Variants in CDK6 observed in about 807,000 individuals in gnomAD.
CDK6 encodes the protein cyclin dependent kinase 6.
In CDK6, 6 loss-of-function variants were observed where a neutral mutation model predicts 37.1. The observed-to-expected ratio is 0.16, with a 90% CI of 0.09 to 0.32. The LOEUF is 0.32. Among genes scored for constraint, CDK6 ranks in the 10% least tolerant of loss-of-function variants. CDK6 has a pLI of 1.00. For synonymous variants in CDK6, 160 were observed against 161.3 expected (o/e 0.99, Z 0.06); for missense variants, 224 against 418.9 (o/e 0.53, Z 4.06).
At chr7:92,685,288 GGA>G (rs1474385086) in intron 4 of CDK6, among the ~76,000 whole-genome samples, 1 of 152,154 alleles carries the variant, frequency 6.6e-6, no homozygotes, top group Admixed American at 6.5e-5. Context: ...TCCGCTGTCA[GGA>G]GAGATACATG....
chr7:92,829,924 G>T (rs1000638067), intron 2 of CDK6, among the ~76,000 whole-genome samples: 1 of 152,204 alleles, frequency 6.6e-6, no homozygotes, highest in Non-Finnish European at 1.5e-5. Context: ...ACTTTTCCAG[G>T]CTTGTTCATT....
chr7:92,812,177 T>C (rs926912949), intron 2 of CDK6, among the ~76,000 whole-genome samples: 2 of 151,998 alleles, frequency 1.3e-5, no homozygotes, highest in Non-Finnish European at 2.9e-5. Context: ...ACTTAAAAGG[T>C]ACCTAACTTC....
At chr7:92,622,181 C>G (rs1795818434) in intron 6 of CDK6, among the ~76,000 whole-genome samples, 1 of 152,028 alleles carries the variant, frequency 6.6e-6, no homozygotes, top group African/African-American at 2.4e-5. Flanking sequence ...AAAAAGGATG[C>G]CACACTGCAT....
intron 3 of CDK6, among the ~76,000 whole-genome samples, chr7:92,744,312 A>C (rs963571860): frequency 2.6e-5 from 4 of 152,212 alleles, no homozygotes; most frequent in African/African-American, 7.2e-5. Context: ...ACATGGCAGC[A>C]GGGAAGAGAT....
intron 5 of CDK6, among the ~76,000 whole-genome samples, chr7:92,626,151 C>G (rs1018425092): frequency 6.6e-6 from 1 of 151,952 alleles, no homozygotes; most frequent in African/African-American, 2.4e-5. Flanking sequence ...TTAGTACACA[C>G]TAATTGACTG....
rs116624666 is a variant in CDK6, at chr7:92,828,290, A to G, written c.233+4801T>C. Among the ~76,000 whole-genome samples the G allele has an allele frequency of 1.5e-3, 236 of 152,276 alleles. 2 individuals carry two copies. Among genetic ancestry groups the G allele is most frequent in the African/African-American group, 5.3e-3 (219 of 41,560 alleles). On this transcript the variant is annotated intron_variant, in intron 2 of 7. Coordinates refer to ENST00000424848, the MANE Select transcript of CDK6 (RefSeq NM_001145306.2). The stretch of plus-strand genomic sequence containing the variant: ...ACTGAATTTTTATTCATTTATCGTT[A>G]TGTCATTCATTCCTGGCAAACTGTC...
chr7:92,631,524 T>A (rs1317747069), intron 5 of CDK6, among the ~76,000 whole-genome samples: 3 of 152,166 alleles, frequency 2.0e-5, no homozygotes, highest in Non-Finnish European at 4.4e-5. Flanking sequence ...GGGAGTCCCC[T>A]CCTCATACCA....
intron 5 of CDK6, among the ~76,000 whole-genome samples, chr7:92,646,118 C>T (rs936111589): frequency 2.0e-5 from 3 of 152,188 alleles, no homozygotes; most frequent in African/African-American, 7.2e-5. Context: ...CAAAATCCAG[C>T]TCAGGACTAA....
chr7:92,711,734 A>G (rs1690100961), intron 4 of CDK6, among the ~76,000 whole-genome samples: 2 of 151,012 alleles, frequency 1.3e-5, no homozygotes, highest in African/African-American at 4.9e-5. Flanking sequence ...TGCCTGGCTA[A>G]TTTTTTTATT....
At chr7:92,816,154 G>A (rs948868043) in intron 2 of CDK6, among the ~76,000 whole-genome samples, 1 of 152,148 alleles carries the variant, frequency 6.6e-6, no homozygotes, top group African/African-American at 2.4e-5. Flanking sequence ...TAGTCACAAT[G>A]TTTGGCATCC....
intron 5 of CDK6, among the ~76,000 whole-genome samples, chr7:92,663,406 A>C (rs1796879918): frequency 6.6e-6 from 1 of 152,166 alleles, no homozygotes; most frequent in African/African-American, 2.4e-5. Context: ...AGTACACATC[A>C]AGAATTTAAA....
chr7:92,705,221 T>G (rs1797939687), intron 4 of CDK6, among the ~76,000 whole-genome samples: 1 of 152,230 alleles, frequency 6.6e-6, no homozygotes, highest in Non-Finnish European at 1.5e-5. Context: ...TCTCTTGGTT[T>G]TTGCTTCTGT....
intron 3 of CDK6, among the ~76,000 whole-genome samples, chr7:92,753,012 T>C (rs1199204289): frequency 6.6e-6 from 1 of 152,162 alleles, no homozygotes; most frequent in Non-Finnish European, 1.5e-5. Context: ...TTATTTACTT[T>C]CTCTATATTT....
intron 5 of CDK6, among the ~76,000 whole-genome samples, chr7:92,668,324 T>C (rs575607653): frequency 1.4e-4 from 22 of 152,300 alleles, no homozygotes; most frequent in African/African-American, 4.3e-4. Context: ...CAAAACTGTC[T>C]AACAATGCAT....
intron 7 of CDK6, among the ~76,000 whole-genome samples, chr7:92,615,587 C>T (rs559937742): frequency 1.3e-5 from 2 of 152,324 alleles, no homozygotes; most frequent in South Asian, 2.1e-4. Context: ...TGCTAGCAAA[C>T]TTAGTGCTAC....
chr7:92,702,993 A>T (rs1257219537), intron 4 of CDK6, among the ~76,000 whole-genome samples: 1 of 152,204 alleles, frequency 6.6e-6, no homozygotes, highest in Non-Finnish European at 1.5e-5. Context: ...GTAACAACCC[A>T]AAATGTCTCC....
chr7:92,770,150 G>A (rs1799674747), intron 3 of CDK6, among the ~76,000 whole-genome samples: 1 of 152,106 alleles, frequency 6.6e-6, no homozygotes, highest in South Asian at 2.1e-4. Flanking sequence ...ATAAGTCTAT[G>A]AGGGAAAATT....
chr7:92,610,300 A>G lies in CDK6; in HGVS notation c.*4840T>C, dbSNP rs147757451. 4 of 232,210 alleles carry G rather than the reference A, an allele frequency of 1.7e-5. No individual in the cohort carries two copies. The highest frequency in any genetic ancestry group is 2.6e-5 in the Non-Finnish European group (3 of 117,430). The allele number at this position is 232,210 out of a possible 1,614,324, so 14.4% of individuals were successfully genotyped here. On this transcript the variant is annotated 3_prime_UTR_variant, in exon 8 of 8. Transcript: ENST00000424848. ...CTTCCTAAGGCTAGACAAGGTAACAATATGTTGAAGGAAGTCCACTTCTAC... is the reference window on the plus strand; with the variant it reads ...CTTCCTAAGGCTAGACAAGGTAACAGTATGTTGAAGGAAGTCCACTTCTAC...
chr7:92,833,373 C>T lies in CDK6; in HGVS notation c.-50G>A, dbSNP rs755183469. 2 of 1,353,554 alleles carry T rather than the reference C, an allele frequency of 1.5e-6. No individual in the cohort carries two copies. The highest frequency in any genetic ancestry group is 2.0e-6 in the Non-Finnish European group (2 of 997,136). 83.8% of individuals were successfully genotyped at this position (1,353,554 alleles called of 1,614,324 possible). On this transcript the variant is annotated 5_prime_UTR_variant, in exon 2 of 8. Coordinates refer to ENST00000424848, the MANE Select transcript of CDK6 (RefSeq NM_001145306.2). This position sits in a 1 kb window ranked among gnomAD's most constrained non-coding sequence, Gnocchi z 6.1. ...GCGCCGCTGGGGCGGGCGGGGGGTG[C>T]GCTCAACTAGCTGGCGGCCGCCGCT...
Sources: gnomAD v4.1 joint callset for allele counts (sites outside exome capture counted in the v4.1 genomes callset) on GRCh38, gnomAD v4.1.1 for gene constraint, Gnocchi (gnomAD v3.1) non-coding constraint, MANE v1.5 for transcripts, NCBI Gene and HGNC (gene_info 2026-07-23, HGNC 2026-07-21) for gene names.